PKHD1L1: variants seen among roughly 807,000 people sequenced by gnomAD.
The protein encoded by PKHD1L1 is PKHD1 like 1, also known as fibrocystin-L.
Under a neutral mutation model 462.9 loss-of-function variants are expected in PKHD1L1, and 434 were observed. The ratio of observed to expected loss-of-function variants is 0.94; its 90% CI spans 0.87 to 1.02. The LOEUF (loss-of-function observed/expected upper bound fraction) is 1.02. PKHD1L1 is among the 50% of genes least tolerant of loss of function. PKHD1L1 has a pLI of 0.00. For missense variants in PKHD1L1, 5,202 were observed against 5,096.1 expected, an observed-to-expected ratio of 1.02 and a Z score of -0.63; for synonymous variants, 1,781 against 1,750.0, an observed-to-expected ratio of 1.02 and a Z score of -0.44.
In PKHD1L1 at chr8:109,472,514, A is replaced by AT. The variant is rs907497597; in HGVS notation, c.8606-2598dup. 1.4e-4 allele frequency among the ~76,000 whole-genome samples: 21 copies of AT among 152,280 alleles called. 1 individual carries two copies. Among genetic ancestry groups the AT allele is most frequent in the African/African-American group, 3.8e-4 (16 of 41,572 alleles). ...TCATCTATTCCCTTCAAGAATTAAG[A>AT]TTTTTTATTGAGTTACTAAACTGTG... is the stretch of plus-strand genomic sequence containing the variant. On this transcript the variant is annotated intron_variant, in intron 50 of 77. Coordinates refer to ENST00000378402, the MANE Select transcript of PKHD1L1 (RefSeq NM_177531.6).
At chr8:109,437,859 A>T (rs1249907622) in intron 30 of PKHD1L1, among the ~76,000 whole-genome samples, 1 of 152,142 alleles carries the variant, frequency 6.6e-6, no homozygotes, top group African/African-American at 2.4e-5. Context: ...CTGCAAAAGC[A>T]TCAAATAGTT....
rs1162894999 is a variant in PKHD1L1, at chr8:109,408,106, T to C, written c.1871T>C (p.Ile624Thr). The C allele has an allele frequency of 1.2e-6, 2 of 1,613,420 alleles. No individual in the cohort carries two copies. The highest frequency in any genetic ancestry group is 1.7e-6 in the Non-Finnish European group (2 of 1,179,550). Residue 624 changes from isoleucine (I) to threonine (T), a missense_variant, in exon 18 of 78, where the codon ATT (isoleucine) becomes ACT (threonine). This residue lies in a region of PKHD1L1 where 4,497 missense variants were observed against 4,336.8 expected (regional missense o/e 1.04). Coordinates refer to ENST00000378402, the MANE Select transcript of PKHD1L1 (RefSeq NM_177531.6). ...GAAGGGAATAATGTCACACTGGATATTACAGAACAAACCAAAGGAAAACCC... is the reference window on the plus strand; with the variant it reads ...GAAGGGAATAATGTCACACTGGATACTACAGAACAAACCAAAGGAAAACCC... ...VVEGNNVTLDITEQTKGKPNL... is the reference protein window; with the variant it reads ...VVEGNNVTLDTTEQTKGKPNL...
intron 12 of PKHD1L1, among the ~76,000 whole-genome samples, chr8:109,399,033 T>C (rs1813118437): frequency 6.6e-6 from 1 of 152,180 alleles, no homozygotes; most frequent in Admixed American, 6.6e-5. Context: ...TGCTTTCCTA[T>C]CTACACTAAT....
chr8:109,433,541 T>C (rs902053477), intron 28 of PKHD1L1, among the ~76,000 whole-genome samples: 2 of 152,202 alleles, frequency 1.3e-5, no homozygotes, highest in East Asian at 3.9e-4. Flanking sequence ...TATGAAATGC[T>C]TCTCTTGTGT....
At chr8:109,529,562 C>A (rs1488017499) in intron 77 of PKHD1L1, among the ~76,000 whole-genome samples, 1 of 152,152 alleles carries the variant, frequency 6.6e-6, no homozygotes, top group Non-Finnish European at 1.5e-5. Context: ...TTACTCCTGA[C>A]AACTTTGGTA....
chr8:109,507,976 C>A, intron 69 of PKHD1L1, 81 bp downstream of exon 69: 1 of 1,523,310 alleles, frequency 6.6e-7, no homozygotes, highest in Non-Finnish European at 8.9e-7. Context: ...GACTTGCCTA[C>A]TCAACCAATA....
At chr8:109,442,446 CAT>C (rs1815849576) in intron 35 of PKHD1L1, among the ~76,000 whole-genome samples, 1 of 152,008 alleles carries the variant, frequency 6.6e-6, no homozygotes, top group Non-Finnish European at 1.5e-5. Flanking sequence ...AATTGAAAAA[CAT>C]ATTGAAAAAG....
intron 76 of PKHD1L1, 99 bp downstream of exon 76, chr8:109,523,485 T>C: frequency 2.5e-6 from 3 of 1,189,866 alleles, no homozygotes; most frequent in Non-Finnish European, 3.4e-6. Flanking sequence ...CTCTGGTCAA[T>C]AAATTATAGA....
chr8:109,427,670 A>C (rs1220626378), intron 25 of PKHD1L1, among the ~76,000 whole-genome samples: 1 of 152,094 alleles, frequency 6.6e-6, no homozygotes, highest in Non-Finnish European at 1.5e-5. Context: ...GGGGGAAAGG[A>C]GTCAGGCCCA....
intron 58 of PKHD1L1, among the ~76,000 whole-genome samples, chr8:109,486,064 A>T (rs1279046248): frequency 6.6e-6 from 1 of 151,960 alleles, no homozygotes; most frequent in African/African-American, 2.4e-5. Flanking sequence ...CATTTCTTAA[A>T]ATGTAGCGTG....
At chr8:109,373,444 T>C (rs1396356124) in intron 2 of PKHD1L1, among the ~76,000 whole-genome samples, 3 of 151,704 alleles carry the variant, frequency 2.0e-5, no homozygotes, top group South Asian at 4.2e-4. Flanking sequence ...GTTGATCTTT[T>C]CAAAAAACCA....
chr8:109,418,950 G>C (rs189923708), intron 21 of PKHD1L1, 147 bp from the exon 22 acceptor site: 6 of 551,746 alleles, frequency 1.1e-5, no homozygotes, highest in African/African-American at 9.4e-5. Flanking sequence ...GCCTTGTTAC[G>C]GCTGCTTTTC....
chr8:109,427,592 T>A (rs966016680), intron 25 of PKHD1L1, among the ~76,000 whole-genome samples: 1 of 152,048 alleles, frequency 6.6e-6, no homozygotes, highest in African/African-American at 2.4e-5. Flanking sequence ...TTTTTCCAAG[T>A]TCATAAGGGA....
chr8:109,522,516 G>A (rs1448571573), intron 74 of PKHD1L1, among the ~76,000 whole-genome samples, 179 bp downstream of exon 74: 1 of 152,114 alleles, frequency 6.6e-6, no homozygotes, highest in East Asian at 1.9e-4. Flanking sequence ...GAACAAAGGA[G>A]CATATCTTCC....
At position 109,389,075 on chromosome 8, in the gene PKHD1L1, T is replaced by C. The variant is rs749050833; in HGVS notation, c.624-4T>C. 9 of 1,584,650 alleles carry C rather than the reference T, an allele frequency of 5.7e-6. No individual in the cohort carries two copies. Among genetic ancestry groups the C allele is most frequent in the Non-Finnish European group, 7.7e-6 (9 of 1,161,312 alleles). On this transcript the variant is annotated splice_polypyrimidine_tract_variant and splice_region_variant and intron_variant, in intron 7 of 77. Coordinates refer to ENST00000378402, the MANE Select transcript of PKHD1L1 (RefSeq NM_177531.6). ...AGCTTTGACATTAACTTTTTTTTAA[T>C]TAGATATGGTCTAAAACTGGATCAT...
intron 2 of PKHD1L1, among the ~76,000 whole-genome samples, chr8:109,371,866 TCTGTTTTGGTACAAGTACCATG>T (rs1386571862): frequency 1.3e-5 from 2 of 152,154 alleles, no homozygotes; most frequent in Non-Finnish European, 2.9e-5. Flanking sequence ...GGTCTATATC[TCTGTTTTGGTACAAGTACCATG>T]CTGTTTTGGT....
At chr8:109,518,638 G>A in intron 73 of PKHD1L1, 130 bp downstream of exon 73, 3 of 693,374 alleles carry the variant, frequency 4.3e-6, no homozygotes, top group Non-Finnish European at 6.9e-6. Flanking sequence ...CCCTCTAAGT[G>A]CCCAGAGACC....
chr8:109,440,319 A>G (rs985075228), intron 32 of PKHD1L1, among the ~76,000 whole-genome samples: 2 of 152,236 alleles, frequency 1.3e-5, no homozygotes, highest in Admixed American at 1.3e-4. Context: ...GATTACTCAA[A>G]TGTGTGAGAT....
Position 109,445,012 on chromosome 8 carries a change from T to G in PKHD1L1, c.5143T>G (p.Ser1715Ala), listed in dbSNP as rs1563550782. 4 of 1,613,952 alleles carry G rather than the reference T, an allele frequency of 2.5e-6. No individual in the cohort carries two copies. Among genetic ancestry groups the G allele is most frequent in the Non-Finnish European group, 2.5e-6 (3 of 1,179,874 alleles). The change falls in exon 38 of 78, where the codon TCC becomes GCC. Residue 1715 changes from serine to alanine, a missense_variant. Ser to Ala is a moderately conservative substitution (Grantham distance 99, BLOSUM62 1). Around this residue, in one of 3 missense-constraint regions of PKHD1L1, gnomAD observed 4,497 missense variants for 4,336.8 expected, o/e 1.04. Coordinates refer to ENST00000378402, the MANE Select transcript of PKHD1L1 (RefSeq NM_177531.6). ...TTATACGGCCATTGAATGTGAAACATCCCCTGCTGCCCAACAGCTTGTGGA... is the reference window on the plus strand; with the variant it reads ...TTATACGGCCATTGAATGTGAAACAGCCCCTGCTGCCCAACAGCTTGTGGA... The part of the protein sequence containing the change: ...VNYTAIECET[S>A]PAAQQLVDVD...
Sources: allele counts gnomAD v4.1 joint callset (sites outside exome capture counted in the v4.1 genomes callset), GRCh38; gene constraint gnomAD v4.1.1; regional missense constraint gnomAD v4.1.1; transcripts MANE v1.5; gene names NCBI Gene and HGNC (gene_info 2026-07-23, HGNC 2026-07-21).